Variants in ACAP3 observed in about 807,000 individuals in gnomAD.
ACAP3 encodes arf-GAP with coiled-coil, ANK repeat and PH domain-containing protein 3.
ACAP3 carries 56 observed loss-of-function variants against 104.1 expected under a neutral mutation model. That is an observed-to-expected ratio of 0.54 (90% CI 0.43 to 0.67). ACAP3 has a LOEUF of 0.67. Ranked by LOEUF, ACAP3 falls within the 30% of genes least tolerant of loss-of-function variation. ACAP3 has a pLI of 0.00. For missense variants in ACAP3, 1,208 were observed against 1,174.9 expected, an observed-to-expected ratio of 1.03 and a Z score of -0.41; for synonymous variants, 628 against 496.2, an observed-to-expected ratio of 1.27 and a Z score of -3.53.
At chr1:1,299,419 T>C in intron 9 of ACAP3, 63 bp from the exon 10 acceptor site, 1 of 1,466,948 alleles carries the variant, frequency 6.8e-7, no homozygotes, top group East Asian at 2.5e-5. Context: ...TGCCAACTCC[T>C]GGTGACTGGT....
At position 1,294,651 on chromosome 1, in the gene ACAP3, G is replaced by A. The variant is rs1015472088; in HGVS notation, c.1913-23C>T. ...CCTCTGTGGGGAGGGGGCGGTCAGG[G>A]AAAGCAACCCCCGGGGCTGCCCAGG... On this transcript the variant is annotated intron_variant, in intron 20 of 23. Coordinates refer to ENST00000354700, the MANE Select transcript of ACAP3 (RefSeq NM_030649.3). 5 of 1,533,160 alleles carry A rather than the reference G, an allele frequency of 3.3e-6. No homozygotes were observed. In the African/African-American group the frequency reaches 4.1e-5, roughly 13 times the overall value. The allele number at this position is 1,533,160 out of a possible 1,614,324, so 95.0% of individuals were successfully genotyped here.
rs778597599 is a variant in ACAP3, at chr1:1,294,548, C to G, written c.1993G>C (p.Glu665Gln). The G allele has an allele frequency of 1.3e-5, 20 of 1,498,044 alleles. No individual in the cohort carries two copies. Among genetic ancestry groups the G allele is most frequent in the Non-Finnish European group, 1.7e-5 (19 of 1,133,452 alleles). The allele number at this position is 1,498,044 out of a possible 1,614,324, so 92.8% of individuals were successfully genotyped here. A position where few individuals can be genotyped will look rare whatever the true frequency, so the allele number is the denominator to read the frequency against. The change falls in exon 21 of 24, where the codon GAG becomes CAG. Residue 665 changes from glutamate to glutamine, a missense_variant. Transcript: ENST00000354700. ...TGCGCCAAGAGCCCCGGGTGCAGCTCGCGCACGTCCGCCAGGCCCCAGGCC... is the reference window on the plus strand; with the variant it reads ...TGCGCCAAGAGCCCCGGGTGCAGCTGGCGCACGTCCGCCAGGCCCCAGGCC... Reference protein sequence around the residue: ...AEAWGLADVRELHPGLLAHRA... With the variant: ...AEAWGLADVRQLHPGLLAHRA...
chr1:1,300,301 A>C (rs1641388580), intron 6 of ACAP3, 99 bp from the exon 7 acceptor site: 1 of 1,432,102 alleles, frequency 7.0e-7, no homozygotes, highest in African/African-American at 1.4e-5. Context: ...TGGTTCCCTG[A>C]GACCCCCAGG....
Position 1,303,984 on chromosome 1 carries a change from T to C in ACAP3, c.105+102A>G. The C allele has an allele frequency of 7.2e-7, 1 of 1,383,098 alleles. No individual in the cohort carries two copies. The highest frequency in any genetic ancestry group is 1.0e-6 in the Non-Finnish European group (1 of 1,004,628). The allele number at this position is 1,383,098 out of a possible 1,614,324, so 85.7% of individuals were successfully genotyped here. ...TGGAGCACCACACGCATGCTCCACA[T>C]ATGGGGGGTGTAAGTGGCTTAGTAA... On this transcript the variant is annotated intron_variant, in intron 2 of 23. Coordinates refer to ENST00000354700, the MANE Select transcript of ACAP3 (RefSeq NM_030649.3). The surrounding 1 kb of genome is among the most constrained non-coding windows in gnomAD (Gnocchi z 4.0).
rs911710462 is a variant in ACAP3, at chr1:1,303,874, T to A, written c.105+212A>T. On this transcript the variant is annotated intron_variant, in intron 2 of 23. Transcript: ENST00000354700. The surrounding 1 kb of genome is among the most constrained non-coding windows in gnomAD (Gnocchi z 4.0). ...TCACCACAGCCCAGCCCCTCCCAGA[T>A]GGGACGAGACTCAGGGCCAGCCACA... 4.6e-5 allele frequency: 29 copies of A among 636,654 alleles called. No homozygotes were observed. Among genetic ancestry groups the A allele is most frequent in the Non-Finnish European group, 6.5e-5 (24 of 369,246 alleles). The allele number at this position is 636,654 out of a possible 1,614,324, so 39.4% of individuals were successfully genotyped here.
chr1:1,296,316 C>A, intron 15 of ACAP3, 36 bp from the exon 16 acceptor site: 1 of 1,550,128 alleles, frequency 6.5e-7, no homozygotes, highest in Non-Finnish European at 8.7e-7. Context: ...CTGGGGGAGG[C>A]AAGGCCCCCA....
intron 1 of ACAP3, chr1:1,307,139 G>A (rs1641759134): frequency 8.0e-7 from 1 of 1,249,456 alleles, no homozygotes. Flanking sequence ...CAAAGCCGAT[G>A]CACACTTGTG....
chr1:1,303,744 T>G lies in ACAP3; in HGVS notation c.105+342A>C. Reference sequence around the variant, plus strand: ...CTCCACGGCCTGTTGCCCCCTCCCCTTTCTCAGCCCCAGCCCCAGCCACAC... The same window carrying G: ...CTCCACGGCCTGTTGCCCCCTCCCCGTTCTCAGCCCCAGCCCCAGCCACAC... On this transcript the variant is annotated intron_variant, in intron 2 of 23. Transcript: ENST00000354700. The surrounding 1 kb of genome is among the most constrained non-coding windows in gnomAD (Gnocchi z 4.0). 1 of 337,086 alleles carries G rather than the reference T, an allele frequency of 3.0e-6. No individual in the cohort carries two copies. The highest frequency in any genetic ancestry group is 5.5e-6 in the Non-Finnish European group (1 of 180,662). The allele number at this position is 337,086 out of a possible 1,614,324, so 20.9% of individuals were successfully genotyped here.
chr1:1,304,785 G>C (rs1641617298), intron 1 of ACAP3: 1 of 152,970 alleles, frequency 6.5e-6, no homozygotes, highest in African/African-American at 2.4e-5. Context: ...CCTGGGGAGA[G>C]AAGAGTTAAG....
rs1241262922 is a variant in ACAP3, at chr1:1,298,542, C to A, written c.863+25G>T. Reference sequence around the variant, plus strand: ...ACCCCACCCCCGCCTAAGGACCCCGCCCCCACCTGAGGAAGGCCTCTCACC... The same window carrying A: ...ACCCCACCCCCGCCTAAGGACCCCGACCCCACCTGAGGAAGGCCTCTCACC... On this transcript the variant is annotated intron_variant, in intron 11 of 23. Transcript: ENST00000354700. 2.6e-6 allele frequency: 4 copies of A among 1,562,422 alleles called. No homozygotes were observed. The Admixed American group carries it at 6.8e-5, about 27-fold the overall frequency.
intron 1 of ACAP3, among the ~76,000 whole-genome samples, chr1:1,306,469 G>T (rs1011447994): frequency 6.6e-6 from 1 of 152,200 alleles, no homozygotes; most frequent in Non-Finnish European, 1.5e-5. Flanking sequence ...TCCCAGGTCA[G>T]CAACAGAAGA....
intron 19 of ACAP3, 141 bp from the exon 20 acceptor site, chr1:1,294,957 GC>G: frequency 1.3e-6 from 1 of 741,742 alleles, no homozygotes; most frequent in Non-Finnish European, 2.2e-6. Flanking sequence ...GCCGGGGGGA[GC>G]CAGCTGCAGG....
At chr1:1,304,260 G>A (rs1641583841) in intron 1 of ACAP3, 117 bp from the exon 2 acceptor site, 6 of 1,287,966 alleles carry the variant, frequency 4.7e-6, no homozygotes, top group South Asian at 3.9e-5. Flanking sequence ...CAGGAAACAG[G>A]CTGGGAGACA....
rs1030782910 is a variant in ACAP3, at chr1:1,292,811, G to A, written c.*753C>T. On this transcript the variant is annotated 3_prime_UTR_variant, in exon 24 of 24. Transcript: ENST00000354700. ...CCACAGAGAAAAGACGCAAGACAAAGTCAGACGAGGCCTATAGCAAACCCA... is the reference window on the plus strand; with the variant it reads ...CCACAGAGAAAAGACGCAAGACAAAATCAGACGAGGCCTATAGCAAACCCA... 2 of 152,482 alleles carry A rather than the reference G, an allele frequency of 1.3e-5. No homozygotes were observed. The highest frequency in any genetic ancestry group is 2.1e-4 in the South Asian group (1 of 4,826). The allele number at this position is 152,482 out of a possible 1,614,324, so 9.4% of individuals were successfully genotyped here. A position where few individuals can be genotyped will look rare whatever the true frequency, so the allele number is the denominator to read the frequency against.
At chr1:1,307,732 C>G in intron 1 of ACAP3, 37 bp downstream of exon 1, 2 of 1,088,424 alleles carry the variant, frequency 1.8e-6, no homozygotes, top group East Asian at 6.1e-5. Flanking sequence ...GCGACGCCCC[C>G]GGCCTGCGCC....
At chr1:1,298,511 C>CCG in intron 11 of ACAP3, 56 bp downstream of exon 11, 2 of 1,321,386 alleles carry the variant, frequency 1.5e-6, no homozygotes, top group Non-Finnish European at 2.0e-6. Context: ...CCACCCCCGC[C>CCG]TGAGGACCCC....
At chr1:1,299,057 C>T in intron 10 of ACAP3, 3 of 569,710 alleles carry the variant, frequency 5.3e-6, no homozygotes, top group Non-Finnish European at 9.3e-6. Flanking sequence ...CTGGGAGTCA[C>T]TGAGGGCCCT....
intron 1 of ACAP3, among the ~76,000 whole-genome samples, chr1:1,306,841 G>C (rs1468740590): frequency 1.3e-5 from 2 of 152,230 alleles, no homozygotes; most frequent in Non-Finnish European, 2.9e-5. Flanking sequence ...GTCTATTGCT[G>C]ACATGGCTAA....
In ACAP3 at chr1:1,294,180, T is replaced by G. The variant is rs762426672; in HGVS notation, c.2159A>C (p.Glu720Ala). 4.6e-5 allele frequency: 73 copies of G among 1,592,308 alleles called. No homozygotes were observed. The highest frequency in any genetic ancestry group is 6.1e-5 in the Non-Finnish European group (71 of 1,169,818). ...GTCCGCTCCGTTTTGCAGCAGGAAC[T>G]CACAGACGATCAAGGAGCCCTGGGG... is the stretch of plus-strand genomic sequence containing the variant. ...AVLGGSLIVC[E>A]FLLQNGADVN... The change falls in exon 22 of 24, where the codon GAG becomes GCG. Residue 720 changes from glutamate (E) to alanine (A), a missense_variant. By Grantham distance (107) the Glu-to-Ala change is moderately radical. Transcript: ENST00000354700.
Sources: allele counts gnomAD v4.1 joint callset (sites outside exome capture counted in the v4.1 genomes callset), GRCh38; gene constraint gnomAD v4.1.1; non-coding constraint Gnocchi (gnomAD v3.1); transcripts MANE v1.5; gene names NCBI Gene and HGNC (gene_info 2026-07-23, HGNC 2026-07-21).